CACNA2D1: variants seen among roughly 807,000 people sequenced by gnomAD.
The protein encoded by CACNA2D1 is calcium voltage-gated channel auxiliary subunit alpha2delta 1.
Under a neutral mutation model 171.5 loss-of-function variants are expected in CACNA2D1, and 53 were observed. That is an observed-to-expected ratio of 0.31 (90% CI 0.25 to 0.39). The LOEUF (loss-of-function observed/expected upper bound fraction) is 0.39. Ranked by LOEUF, CACNA2D1 falls within the 10% of genes least tolerant of loss-of-function variation. The probability of loss-of-function intolerance (pLI) is 1.00; values close to 1 mark genes in which losing one functional copy is unlikely to be tolerated. For missense variants in CACNA2D1, 903 were observed against 1,299.8 expected (o/e 0.69, Z 4.69); for synonymous variants, 442 against 443.1 (o/e 1.00, Z 0.03).
chr7:82,189,318 CAT>C (rs1051757421), intron 3 of CACNA2D1, among the ~76,000 whole-genome samples: 31 of 152,018 alleles, frequency 2.0e-4, no homozygotes, highest in South Asian at 4.1e-4. Context: ...AATAGAGACT[CAT>C]GTGTGGGAAT....
intron 3 of CACNA2D1, among the ~76,000 whole-genome samples, chr7:82,324,694 A>G (rs1816427848): frequency 6.6e-6 from 1 of 152,108 alleles, no homozygotes; most frequent in African/African-American, 2.4e-5. Context: ...CATTTACCAC[A>G]TTAACAAATG....
chr7:82,175,776 T>C (rs1796488297), intron 3 of CACNA2D1, among the ~76,000 whole-genome samples: 1 of 152,030 alleles, frequency 6.6e-6, no homozygotes, highest in African/African-American at 2.4e-5. Flanking sequence ...TTTCTTAACC[T>C]TACATTTTCT....
intron 6 of CACNA2D1, among the ~76,000 whole-genome samples, chr7:82,106,522 T>A: frequency 6.7e-6 from 1 of 149,494 alleles, no homozygotes; most frequent in Non-Finnish European, 1.5e-5. Flanking sequence ...GGTTTCCTTT[T>A]AATTTTTTTT....
At chr7:82,269,262 A>G (rs557322909) in intron 3 of CACNA2D1, among the ~76,000 whole-genome samples, 5 of 152,236 alleles carry the variant, frequency 3.3e-5, no homozygotes, top group African/African-American at 7.2e-5. Context: ...ACAGCTGCCA[A>G]TGTAAATTTA....
intron 1 of CACNA2D1, among the ~76,000 whole-genome samples, chr7:82,377,350 G>T (rs7795157): frequency 0.65 from 98,887 of 152,018 alleles, 32,280 homozygotes; most frequent in Middle Eastern, 0.74. Context: ...CCATCTGTAG[G>T]ATTCAACTCT....
Position 81,948,982 on chromosome 7 carries a change from T to C in CACNA2D1, c.*1410A>G, listed in dbSNP as rs1171793905. ...ACAATCAAGTATTCATGTGCATACA[T>C]AGAGATTCAAGGTTTCCTATTTGTT... On this transcript the variant is annotated 3_prime_UTR_variant, in exon 39 of 39. Transcript: ENST00000356860. The C allele has an allele frequency of 1.3e-5, 2 of 152,014 alleles. No homozygotes were observed. Among genetic ancestry groups the C allele is most frequent in the African/African-American group, 4.8e-5 (2 of 41,440 alleles). 9.4% of individuals were successfully genotyped at this position (152,014 alleles called of 1,614,324 possible). A position where few individuals can be genotyped will look rare whatever the true frequency, so the allele number is the denominator to read the frequency against.
intron 3 of CACNA2D1, among the ~76,000 whole-genome samples, chr7:82,334,820 T>C (rs1386541031): frequency 6.6e-6 from 1 of 152,120 alleles, no homozygotes; most frequent in African/African-American, 2.4e-5. Flanking sequence ...TCAATTATTA[T>C]TATGTATCAT....
intron 3 of CACNA2D1, among the ~76,000 whole-genome samples, chr7:82,222,898 C>CTTTTTTTTTTTTTTTT (rs796527774): frequency 5.6e-5 from 7 of 124,492 alleles, no homozygotes; most frequent in African/African-American, 1.4e-4. Flanking sequence ...TTCTTTCTTT[C>CTTTTTTTTTTTTTTTT]TTTTTTTTTT....
chr7:81,990,278 T>C (rs1797408182), intron 21 of CACNA2D1, among the ~76,000 whole-genome samples: 2 of 152,212 alleles, frequency 1.3e-5, no homozygotes, highest in Admixed American at 6.5e-5. Flanking sequence ...AACAGACTAA[T>C]TTTATGTCTG....
chr7:82,301,033 ATATTACAGTTTCAT>A (rs1196118248), intron 3 of CACNA2D1, among the ~76,000 whole-genome samples: 2 of 152,376 alleles, frequency 1.3e-5, no homozygotes, highest in Non-Finnish European at 2.9e-5. Flanking sequence ...TTTAATTAAC[ATATTACAGTTTCAT>A]TGAATTTGCA....
At chr7:82,196,259 T>C (rs1430763518) in intron 3 of CACNA2D1, among the ~76,000 whole-genome samples, 3 of 152,096 alleles carry the variant, frequency 2.0e-5, no homozygotes, top group Non-Finnish European at 4.4e-5. Context: ...TCATAACCAC[T>C]AGCTTTGGGG....
At chr7:82,401,752 T>G (rs1210939743) in intron 1 of CACNA2D1, among the ~76,000 whole-genome samples, 1 of 152,150 alleles carries the variant, frequency 6.6e-6, no homozygotes, top group Non-Finnish European at 1.5e-5. Context: ...AGACATTCAT[T>G]TATTCCCTCA....
chr7:82,200,263 GTAAA>G (rs1011271833), intron 3 of CACNA2D1, among the ~76,000 whole-genome samples: 2 of 151,926 alleles, frequency 1.3e-5, no homozygotes, highest in Non-Finnish European at 2.9e-5. Flanking sequence ...AATTTTTAGT[GTAAA>G]TAAATATATC....
intron 3 of CACNA2D1, among the ~76,000 whole-genome samples, chr7:82,309,372 C>T (rs1253781646): frequency 1.3e-5 from 2 of 151,820 alleles, no homozygotes; most frequent in Non-Finnish European, 2.9e-5. Flanking sequence ...TGCCATTGCA[C>T]TCCAGCCTAG....
At chr7:82,332,971 G>C (rs2129444050) in intron 3 of CACNA2D1, among the ~76,000 whole-genome samples, 1 of 152,278 alleles carries the variant, frequency 6.6e-6, no homozygotes, top group South Asian at 2.1e-4. Flanking sequence ...TGCACTCCAG[G>C]CTAGGCAATG....
At chr7:82,411,568 T>C (rs994101218) in intron 1 of CACNA2D1, among the ~76,000 whole-genome samples, 1 of 152,140 alleles carries the variant, frequency 6.6e-6, no homozygotes, top group African/African-American at 2.4e-5. Flanking sequence ...TTAAAATATA[T>C]TGCTGACATT....
rs1336649875 is a variant in CACNA2D1, at chr7:82,060,177, TA to T, written c.879+250del. Reference sequence around the variant, plus strand: ...ATTATATATATATAATATATATATATAATATATATATATTATATATATATTA... The same window carrying T: ...ATTATATATATATAATATATATATATATATATATATATTATATATATATTA... On this transcript the variant is annotated intron_variant, in intron 10 of 38. Transcript: ENST00000356860. 2.7e-3 allele frequency among the ~76,000 whole-genome samples: 43 copies of T among 16,058 alleles called. 2 individuals are homozygous for T. Among genetic ancestry groups the T allele is most frequent in the African/African-American group, 6.7e-3 (39 of 5,856 alleles). 10.5% of individuals were successfully genotyped at this position (16,058 alleles called of 152,430 possible).
At chr7:82,337,675 CCAGA>C (rs1256349380) in intron 2 of CACNA2D1, among the ~76,000 whole-genome samples, 4 of 152,098 alleles carry the variant, frequency 2.6e-5, no homozygotes, top group African/African-American at 9.7e-5. Context: ...GTTTTTGGCA[CCAGA>C]CAGAGTTACA....
chr7:82,039,970 G>A lies in CACNA2D1; in HGVS notation c.880-1735C>T, dbSNP rs187342040. Among the ~76,000 whole-genome samples, 1,341 of 152,268 alleles carry A rather than the reference G, an allele frequency of 8.8e-3. 55 individuals carry two copies. Among genetic ancestry groups the A allele is most frequent in the Admixed American group, 0.079 (1,209 of 15,292 alleles). On this transcript the variant is annotated intron_variant, in intron 10 of 38. Transcript: ENST00000356860. ...TTTTCTGTGAAATGGAAAGTCACTG[G>A]AAGATCTTAAGCCAAATGTAAAATA...
Sources: gnomAD v4.1 joint callset for allele counts (sites outside exome capture counted in the v4.1 genomes callset) on GRCh38, gnomAD v4.1.1 for gene constraint, MANE v1.5 for transcripts, NCBI Gene and HGNC (gene_info 2026-07-23, HGNC 2026-07-21) for gene names.